The following SGK3 variants were observed in gnomAD, a reference collection of about 807,000 sequenced individuals.
The protein encoded by SGK3 is serine/threonine-protein kinase Sgk3.
SGK3 carries 47 observed loss-of-function variants against 68.5 expected under a neutral mutation model. The ratio of observed to expected loss-of-function variants is 0.69; its 90% CI spans 0.54 to 0.87. The LOEUF (loss-of-function observed/expected upper bound fraction) is 0.87, where lower values mean the gene tolerates loss of function less well. Among genes scored for constraint, SGK3 ranks in the 40% least tolerant of loss-of-function variants. The pLI is 0.00. For synonymous variants in SGK3, 181 were observed against 189.1 expected (o/e 0.96, Z 0.35); for missense variants, 479 against 575.5 (o/e 0.83, Z 1.72).
intron 16 of SGK3, among the ~76,000 whole-genome samples, chr8:66,858,406 C>T (rs1244556526): frequency 6.6e-6 from 1 of 150,930 alleles, no homozygotes; most frequent in Non-Finnish European, 1.5e-5. Flanking sequence ...GCGGAGCTTG[C>T]AGTGAGCCAA....
At chr8:66,736,969 G>C (rs1463251698) in intron 1 of SGK3, among the ~76,000 whole-genome samples, 1 of 151,816 alleles carries the variant, frequency 6.6e-6, no homozygotes, top group African/African-American at 2.4e-5. Context: ...GTAGAGAAGA[G>C]GCCTTGCTAT....
At chr8:66,784,030 C>T (rs894557020) in intron 1 of SGK3, among the ~76,000 whole-genome samples, 2 of 151,954 alleles carry the variant, frequency 1.3e-5, no homozygotes, top group African/African-American at 4.8e-5. Context: ...CTCAAGTAGC[C>T]AGGACTACAG....
intron 16 of SGK3, among the ~76,000 whole-genome samples, chr8:66,854,472 C>T (rs927249403): frequency 3.7e-4 from 57 of 152,160 alleles, no homozygotes; most frequent in Non-Finnish European, 7.8e-4. Context: ...CTTGGCCATG[C>T]TCCAAGTGGG....
At chr8:66,859,262 G>T (rs1438027039) in intron 16 of SGK3, 149 bp from the exon 17 acceptor site, 3 of 901,866 alleles carry the variant, frequency 3.3e-6, no homozygotes, top group African/African-American at 1.7e-5. Flanking sequence ...GAACCCAGGA[G>T]GCGGAGGTTG....
intron 1 of SGK3, among the ~76,000 whole-genome samples, chr8:66,742,637 A>G (rs1408704536): frequency 6.6e-6 from 1 of 152,118 alleles, no homozygotes; most frequent in Non-Finnish European, 1.5e-5. Flanking sequence ...AAAGCACTGG[A>G]ATTATGGGCA....
chr8:66,750,531 G>A (rs975773150), intron 1 of SGK3, among the ~76,000 whole-genome samples: 8 of 151,790 alleles, frequency 5.3e-5, no homozygotes, highest in Non-Finnish European at 1.0e-4. Flanking sequence ...TTAGTCTTAA[G>A]AAATGTGATA....
chr8:66,721,915 C>T (rs1804804800), intron 1 of SGK3, among the ~76,000 whole-genome samples: 1 of 152,050 alleles, frequency 6.6e-6, no homozygotes, highest in Admixed American at 6.6e-5. Flanking sequence ...TATCTTGGGC[C>T]AAAGGTTAGC....
At chr8:66,714,735 C>T (rs1339250994) in intron 1 of SGK3, among the ~76,000 whole-genome samples, 1 of 152,164 alleles carries the variant, frequency 6.6e-6, no homozygotes, top group Non-Finnish European at 1.5e-5. Flanking sequence ...AGACATACTC[C>T]TTTACCTTTC....
At chr8:66,848,784 A>G (rs900798733) in intron 15 of SGK3, among the ~76,000 whole-genome samples, 1 of 152,146 alleles carries the variant, frequency 6.6e-6, no homozygotes, top group East Asian at 1.9e-4. Context: ...CCTGAGAGGT[A>G]CTACTCTATC....
At chr8:66,847,780 G>C (rs1810094307) in intron 15 of SGK3, among the ~76,000 whole-genome samples, 1 of 151,372 alleles carries the variant, frequency 6.6e-6, no homozygotes, top group East Asian at 1.9e-4. Flanking sequence ...ACTATCTAAA[G>C]TCTAAATCAT....
intron 16 of SGK3, 92 bp from the exon 17 acceptor site, chr8:66,859,319 G>T (rs543954525): frequency 7.4e-7 from 1 of 1,348,454 alleles, no homozygotes; most frequent in East Asian, 2.6e-5. Context: ...AGGTGGCAGT[G>T]TGAGACTCTG....
At chr8:66,816,730 A>T (rs999394163) in intron 5 of SGK3, among the ~76,000 whole-genome samples, 1 of 152,184 alleles carries the variant, frequency 6.6e-6, no homozygotes, top group African/African-American at 2.4e-5. Context: ...TGTTCTTAAG[A>T]CAGTAGAAAT....
intron 1 of SGK3, among the ~76,000 whole-genome samples, chr8:66,738,091 C>T (rs867850042): frequency 6.6e-6 from 1 of 152,160 alleles, no homozygotes; most frequent in Middle Eastern, 3.4e-3. Flanking sequence ...ATTTCATTTT[C>T]CTTTTACTGT....
At chr8:66,740,366 T>C (rs1245871349) in intron 1 of SGK3, among the ~76,000 whole-genome samples, 1 of 152,244 alleles carries the variant, frequency 6.6e-6, no homozygotes, top group African/African-American at 2.4e-5. Context: ...CATTTGTACT[T>C]AAGCATCATT....
intron 1 of SGK3, among the ~76,000 whole-genome samples, chr8:66,716,986 AG>A (rs779997539): frequency 1.3e-5 from 2 of 152,034 alleles, no homozygotes; most frequent in Non-Finnish European, 2.9e-5. Flanking sequence ...ACCTGAGTTC[AG>A]GAGTTCGAGA....
chr8:66,777,981 G>A (rs1806778399), intron 1 of SGK3: 1 of 152,196 alleles, frequency 6.6e-6, no homozygotes, highest in South Asian at 2.1e-4. Flanking sequence ...TGGACTAGTG[G>A]CTGTTGCCTG....
chr8:66,840,062 T>A lies in SGK3; in HGVS notation c.801T>A (p.Ala267=). The change falls in exon 11 of 17, where the codon GCT becomes GCA. Residue 267 remains alanine, a synonymous_variant. Coordinates refer to ENST00000521198, the MANE Select transcript of SGK3 (RefSeq NM_001033578.3). ...CTGAGCACAGAGCTAGGTTTTACGCTGCTGAAATTGCTAGTGCATTGGGTT... is the reference window on the plus strand; with the variant it reads ...CTGAGCACAGAGCTAGGTTTTACGCAGCTGAAATTGCTAGTGCATTGGGTT... ...SFPEHRARFY[A]AEIASALGYL... 6.2e-7 allele frequency: 1 copy of A among 1,614,100 alleles called. No individual in the cohort carries two copies. The highest frequency in any genetic ancestry group is 1.1e-5 in the South Asian group (1 of 91,072).
intron 4 of SGK3, among the ~76,000 whole-genome samples, chr8:66,806,526 T>C (rs1326426291): frequency 2.0e-5 from 3 of 152,122 alleles, no homozygotes; most frequent in Non-Finnish European, 2.9e-5. Context: ...ATTGAAATCT[T>C]ACAGAGAGCA....
chr8:66,730,365 G>C (rs966557056), intron 1 of SGK3, among the ~76,000 whole-genome samples: 1 of 151,998 alleles, frequency 6.6e-6, no homozygotes, highest in African/African-American at 2.4e-5. Flanking sequence ...CCTTATGAGA[G>C]ATATAATTTA....
Sources: allele counts gnomAD v4.1 joint callset (sites outside exome capture counted in the v4.1 genomes callset), GRCh38; gene constraint gnomAD v4.1.1; transcripts MANE v1.5; gene names NCBI Gene and HGNC (gene_info 2026-07-23, HGNC 2026-07-21).